The following NDST4 variants were observed in gnomAD, a reference collection of about 807,000 sequenced individuals.
NDST4 encodes N-heparan sulfate sulfotransferase 4.
In NDST4, 63 loss-of-function variants were observed where a neutral mutation model predicts 100.8. That is an observed-to-expected ratio of 0.62 (90% confidence interval 0.51 to 0.77). The LOEUF is 0.77. Among genes scored for constraint, NDST4 ranks in the 30% least tolerant of loss-of-function variants. NDST4 has a pLI of 0.00. For missense variants in NDST4, 943 were observed against 1,018.4 expected, an observed-to-expected ratio of 0.93 and a Z score of 1.01; for synonymous variants, 377 against 361.8, an observed-to-expected ratio of 1.04 and a Z score of -0.48.
At chr4:114,883,592 C>T (rs1215567465) in intron 6 of NDST4, among the ~76,000 whole-genome samples, 1 of 152,032 alleles carries the variant, frequency 6.6e-6, no homozygotes, top group East Asian at 1.9e-4. Context: ...AATAATTCAA[C>T]CATATCAATA....
intron 4 of NDST4, among the ~76,000 whole-genome samples, chr4:114,960,434 C>T (rs1369231879): frequency 2.6e-5 from 4 of 151,262 alleles, no homozygotes; most frequent in Non-Finnish European, 5.9e-5. Flanking sequence ...GGTGAAACCC[C>T]GTCTCTATTA....
intron 7 of NDST4, among the ~76,000 whole-genome samples, chr4:114,853,206 C>A (rs1194952868): frequency 6.6e-6 from 1 of 152,104 alleles, no homozygotes; most frequent in East Asian, 1.9e-4. Context: ...TCCCTAGAGG[C>A]TGGAATGCTA....
intron 1 of NDST4, among the ~76,000 whole-genome samples, chr4:115,099,409 G>GCCGT (rs1354940326): frequency 1.3e-5 from 2 of 151,996 alleles, no homozygotes; most frequent in African/African-American, 4.8e-5. Flanking sequence ...ATTTGCAATA[G>GCCGT]CCGTATCTGA....
intron 6 of NDST4, among the ~76,000 whole-genome samples, chr4:114,930,876 A>G (rs1319239669): frequency 1.3e-5 from 2 of 152,144 alleles, no homozygotes; most frequent in African/African-American, 4.8e-5. Flanking sequence ...AATTACAACT[A>G]TTAAAGATGA....
chr4:114,934,298 A>T (rs950982973), intron 6 of NDST4, among the ~76,000 whole-genome samples: 1 of 152,108 alleles, frequency 6.6e-6, no homozygotes, highest in Admixed American at 6.5e-5. Context: ...GATCTAAAAA[A>T]GTTGAACTCT....
At chr4:114,916,435 C>T (rs1725169145) in intron 6 of NDST4, among the ~76,000 whole-genome samples, 1 of 151,924 alleles carries the variant, frequency 6.6e-6, no homozygotes, top group South Asian at 2.1e-4. Flanking sequence ...AGCTTAGTAG[C>T]TCACTAGCTT....
At chr4:114,966,201 CAT>C (rs1560834399) in intron 4 of NDST4, among the ~76,000 whole-genome samples, 1 of 151,984 alleles carries the variant, frequency 6.6e-6, no homozygotes, top group Non-Finnish European at 1.5e-5. Flanking sequence ...CATCCACACA[CAT>C]GTACACCCCC....
chr4:114,845,310 T>C (rs1052981186), intron 10 of NDST4, among the ~76,000 whole-genome samples: 2 of 152,118 alleles, frequency 1.3e-5, no homozygotes, highest in African/African-American at 4.8e-5. Flanking sequence ...CCAGCCTGGG[T>C]AATAGAGTGA....
At position 114,937,341 on chromosome 4, in the gene NDST4, C is replaced by A; in HGVS notation, c.1384G>T (p.Gly462Cys). 1 of 1,614,088 alleles carries A rather than the reference C, an allele frequency of 6.2e-7. No homozygotes were observed. Among genetic ancestry groups the A allele is most frequent in the Non-Finnish European group, 8.5e-7 (1 of 1,179,986 alleles). The change falls in exon 5 of 14, where the codon GGC becomes TGC. Residue 462 changes from glycine to cysteine, a missense_variant. Physicochemically the swap from Gly to Cys is radical, Grantham distance 159. Coordinates refer to ENST00000264363, the MANE Select transcript of NDST4 (RefSeq NM_022569.3). ...PHLKPARYRK[G>C]FIHNSIMVLP... is the part of the protein sequence containing the mutation. ...ACCATGATGCTATTGTGAATGAAGCCCTTTCTGTACCGGGCAGGTTTCAGA... is the reference window on the plus strand; with the variant it reads ...ACCATGATGCTATTGTGAATGAAGCACTTTCTGTACCGGGCAGGTTTCAGA...
chr4:114,966,927 T>A (rs1726396547), intron 4 of NDST4, among the ~76,000 whole-genome samples: 1 of 152,096 alleles, frequency 6.6e-6, no homozygotes, highest in Non-Finnish European at 1.5e-5. Flanking sequence ...GTCATTACTA[T>A]TTCGAGAGAG....
intron 2 of NDST4, among the ~76,000 whole-genome samples, chr4:115,027,158 A>T (rs1728004536): frequency 6.6e-6 from 1 of 152,088 alleles, no homozygotes; most frequent in African/African-American, 2.4e-5. Flanking sequence ...TTTGTACGTA[A>T]GTTATTGTGT....
At position 114,937,273 on chromosome 4, in the gene NDST4, T is replaced by C. The variant is rs1000085455; in HGVS notation, c.1407+45A>G. The C allele has an allele frequency of 3.1e-6, 5 of 1,596,716 alleles. No individual in the cohort carries two copies. In the South Asian group the frequency reaches 3.3e-5, roughly 11 times the overall value. On this transcript the variant is annotated intron_variant, in intron 5 of 13. Coordinates refer to ENST00000264363, the MANE Select transcript of NDST4 (RefSeq NM_022569.3). ...AATGGCCCTCTGTCTTCATTCCACATGTAAATATTAACATCCTTCAATATA... is the reference window on the plus strand; with the variant it reads ...AATGGCCCTCTGTCTTCATTCCACACGTAAATATTAACATCCTTCAATATA...
intron 1 of NDST4, among the ~76,000 whole-genome samples, chr4:115,081,210 A>G (rs1729295866): frequency 6.6e-6 from 1 of 152,190 alleles, no homozygotes; most frequent in Non-Finnish European, 1.5e-5. Context: ...TGATAGATAC[A>G]TATTACCACC....
chr4:114,919,070 G>T (rs1024704970), intron 6 of NDST4, among the ~76,000 whole-genome samples: 4 of 152,044 alleles, frequency 2.6e-5, no homozygotes, highest in African/African-American at 9.7e-5. Context: ...ATACAGAATT[G>T]ATCTCATTTG....
At chr4:114,898,489 G>A (rs1452137209) in intron 6 of NDST4, among the ~76,000 whole-genome samples, 5 of 152,052 alleles carry the variant, frequency 3.3e-5, no homozygotes, top group African/African-American at 1.2e-4. Flanking sequence ...GGTAGTGTCC[G>A]TGCTTCAACT....
chr4:114,861,515 C>T (rs1185844545), intron 7 of NDST4, among the ~76,000 whole-genome samples: 1 of 152,078 alleles, frequency 6.6e-6, no homozygotes, highest in East Asian at 1.9e-4. Flanking sequence ...TGATGGATTG[C>T]TTTACTACAG....
In NDST4 at chr4:115,066,856, C is replaced by T. The variant is rs143817631; in HGVS notation, c.978+9203G>A. Among the ~76,000 whole-genome samples the T allele has an allele frequency of 2.8e-3, 432 of 152,274 alleles. 3 individuals are homozygous for T. Among genetic ancestry groups the T allele is most frequent in the African/African-American group, 9.5e-3 (393 of 41,566 alleles). ...TGATGGCTCCTCTCTCCTGCACAGGCTTGCTGTGACTGAGCTCCTAACTAC... is the reference window on the plus strand; with the variant it reads ...TGATGGCTCCTCTCTCCTGCACAGGTTTGCTGTGACTGAGCTCCTAACTAC... On this transcript the variant is annotated intron_variant, in intron 2 of 13. Transcript: ENST00000264363.
chr4:114,999,890 A>G (rs1727248249), intron 2 of NDST4, among the ~76,000 whole-genome samples: 1 of 151,868 alleles, frequency 6.6e-6, no homozygotes, highest in African/African-American at 2.4e-5. Context: ...GCCCTTGGGG[A>G]GGTGATCAGT....
chr4:115,056,440 G>A (rs551994559), intron 2 of NDST4, among the ~76,000 whole-genome samples: 1 of 152,270 alleles, frequency 6.6e-6, no homozygotes, highest in East Asian at 1.9e-4. Context: ...GATGTTGATA[G>A]AGCTAACTTA....
Sources: gnomAD v4.1 joint callset for allele counts (sites outside exome capture counted in the v4.1 genomes callset) on GRCh38, gnomAD v4.1.1 for gene constraint, MANE v1.5 for transcripts, NCBI Gene and HGNC (gene_info 2026-07-23, HGNC 2026-07-21) for gene names.